CERS6: variants seen among roughly 807,000 people sequenced by gnomAD.
CERS6 encodes LAG1 homolog, ceramide synthase 6.
CERS6 carries 26 observed loss-of-function variants against 56.8 expected under a neutral mutation model. The observed-to-expected ratio is 0.46, with a 90% CI of 0.34 to 0.63. The LOEUF (loss-of-function observed/expected upper bound fraction) is 0.63, where lower values mean the gene tolerates loss of function less well. Ranked by LOEUF, CERS6 falls within the 30% of genes least tolerant of loss-of-function variation. The pLI is 0.01. For synonymous variants in CERS6, 164 were observed against 173.3 expected, an observed-to-expected ratio of 0.95 and a Z score of 0.42; for missense variants, 415 against 467.5, an observed-to-expected ratio of 0.89 and a Z score of 1.04.
intron 9 of CERS6, 35 bp from the exon 10 acceptor site, chr2:168,769,475 G>C (rs2105471431): frequency 1.3e-6 from 2 of 1,522,794 alleles, no homozygotes; most frequent in Non-Finnish European, 1.8e-6. Flanking sequence ...TGATTTCTTA[G>C]GTGCTGGTTA....
intron 6 of CERS6, among the ~76,000 whole-genome samples, chr2:168,696,872 G>A (rs1220073819): frequency 1.3e-5 from 2 of 152,166 alleles, no homozygotes; most frequent in African/African-American, 4.8e-5. Context: ...AGATATGTTC[G>A]CCTTTGCACC....
chr2:168,466,444 C>T (rs1318005767), intron 1 of CERS6, among the ~76,000 whole-genome samples: 1 of 152,140 alleles, frequency 6.6e-6, no homozygotes, highest in Non-Finnish European at 1.5e-5. Context: ...ATCTTCCTCC[C>T]TAGCTTTCAG....
chr2:168,628,726 A>G (rs1684645308), intron 3 of CERS6, among the ~76,000 whole-genome samples: 1 of 152,232 alleles, frequency 6.6e-6, no homozygotes, highest in Admixed American at 6.5e-5. Flanking sequence ...CAGAAAGTGG[A>G]GACAGGGTGA....
At chr2:168,591,404 T>C (rs966094270) in intron 3 of CERS6, among the ~76,000 whole-genome samples, 1 of 152,246 alleles carries the variant, frequency 6.6e-6, no homozygotes, top group Admixed American at 6.5e-5. Context: ...GATAGCCAAA[T>C]TGAGATTACT....
At chr2:168,692,707 A>G (rs1281015881) in intron 5 of CERS6, among the ~76,000 whole-genome samples, 2 of 152,160 alleles carry the variant, frequency 1.3e-5, no homozygotes, top group Admixed American at 6.5e-5. Flanking sequence ...GGAACGGTGC[A>G]TCTTTGAAAA....
chr2:168,685,371 G>T (rs760758207), intron 4 of CERS6, among the ~76,000 whole-genome samples: 7 of 152,168 alleles, frequency 4.6e-5, no homozygotes, highest in Non-Finnish European at 1.0e-4. Flanking sequence ...ATGTATGTAT[G>T]TATGTGATTT....
intron 1 of CERS6, among the ~76,000 whole-genome samples, chr2:168,465,882 A>T (rs1282247808): frequency 2.0e-5 from 3 of 151,496 alleles, no homozygotes; most frequent in African/African-American, 4.9e-5. Context: ...TACCACAATT[A>T]AAAAAAATAG....
chr2:168,557,187 G>T (rs1695698654), intron 2 of CERS6, among the ~76,000 whole-genome samples: 1 of 151,726 alleles, frequency 6.6e-6, no homozygotes, highest in African/African-American at 2.4e-5. Context: ...AATAATAAAA[G>T]ATTAAGAAAG....
At chr2:168,722,762 T>A (rs1456393571) in intron 8 of CERS6, among the ~76,000 whole-genome samples, 1 of 152,214 alleles carries the variant, frequency 6.6e-6, no homozygotes, top group Non-Finnish European at 1.5e-5. Flanking sequence ...TGCACAGCCC[T>A]TTCTCCTCTC....
intron 6 of CERS6, among the ~76,000 whole-genome samples, chr2:168,696,969 A>G (rs775844252): frequency 1.3e-5 from 2 of 152,188 alleles, no homozygotes; most frequent in African/African-American, 4.8e-5. Context: ...TTACATTATG[A>G]TGGAGCACAG....
intron 8 of CERS6, among the ~76,000 whole-genome samples, chr2:168,734,855 T>C (rs895830645): frequency 2.0e-5 from 3 of 152,226 alleles, no homozygotes; most frequent in Non-Finnish European, 4.4e-5. Context: ...ACTAAATGAA[T>C]GTGGGAGTCA....
chr2:168,610,895 C>T (rs1460239740), intron 3 of CERS6, among the ~76,000 whole-genome samples: 3 of 152,128 alleles, frequency 2.0e-5, no homozygotes, highest in African/African-American at 7.2e-5. Flanking sequence ...GCAACCTCCG[C>T]CTCCCAGATT....
At chr2:168,621,492 A>G (rs917423838) in intron 3 of CERS6, among the ~76,000 whole-genome samples, 2 of 152,248 alleles carry the variant, frequency 1.3e-5, no homozygotes, top group African/African-American at 4.8e-5. Context: ...TTCTAGAAGT[A>G]ACGAGAGGTA....
At chr2:168,707,973 A>G (rs1687000012) in intron 6 of CERS6, among the ~76,000 whole-genome samples, 1 of 152,094 alleles carries the variant, frequency 6.6e-6, no homozygotes, top group Admixed American at 6.6e-5. Flanking sequence ...TTTTTGCCTT[A>G]AGGACGTATT....
At chr2:168,477,424 C>CTA (rs372935858) in intron 1 of CERS6, among the ~76,000 whole-genome samples, 30 of 152,278 alleles carry the variant, frequency 2.0e-4, no homozygotes, top group African/African-American at 6.7e-4. Context: ...TTTTCACTTA[C>CTA]TATATCTTGA....
intron 4 of CERS6, among the ~76,000 whole-genome samples, chr2:168,654,326 A>G (rs1574132282): frequency 6.6e-6 from 1 of 152,210 alleles, no homozygotes; most frequent in Non-Finnish European, 1.5e-5. Flanking sequence ...AGGTAGGTGG[A>G]TCACCTGAGG....
chr2:168,552,529 A>C (rs1174166444), intron 2 of CERS6, among the ~76,000 whole-genome samples: 2 of 152,164 alleles, frequency 1.3e-5, no homozygotes, highest in Non-Finnish European at 2.9e-5. Flanking sequence ...AGTATGAGGA[A>C]GTGAAAAGCA....
chr2:168,580,229 A>G (rs541321878), intron 3 of CERS6, among the ~76,000 whole-genome samples: 4 of 152,254 alleles, frequency 2.6e-5, no homozygotes, highest in African/African-American at 9.6e-5. Flanking sequence ...GCTTAATATA[A>G]TCATTTTTAC....
chr2:168,607,465 T>TC (rs1684080130), intron 3 of CERS6, among the ~76,000 whole-genome samples: 1 of 152,182 alleles, frequency 6.6e-6, no homozygotes, highest in Non-Finnish European at 1.5e-5. Context: ...CACTGCAACC[T>TC]CCAACTCCCT....
Sources: gnomAD v4.1 joint callset for allele counts (sites outside exome capture counted in the v4.1 genomes callset) on GRCh38, gnomAD v4.1.1 for gene constraint, MANE v1.5 for transcripts, NCBI Gene and HGNC (gene_info 2026-07-23, HGNC 2026-07-21) for gene names.